Variants in RIMBP2 observed in about 807,000 individuals in gnomAD.
The protein encoded by RIMBP2 is RIMS binding protein 2.
A neutral mutation model predicts 118.6 loss-of-function variants in RIMBP2; 48 were observed. The ratio of observed to expected loss-of-function variants is 0.40; its 90% CI spans 0.32 to 0.51. The LOEUF is 0.51. Among genes scored for constraint, RIMBP2 ranks in the 20% least tolerant of loss-of-function variants. The pLI is 0.41. For missense variants in RIMBP2, 1,551 were observed against 1,768.3 expected (o/e 0.88, Z 2.20); for synonymous variants, 762 against 742.9 (o/e 1.03, Z -0.42).
chr12:130,615,644 C>A (rs1163120910), intron 2 of RIMBP2, among the ~76,000 whole-genome samples: 1 of 152,044 alleles, frequency 6.6e-6, no homozygotes, highest in Non-Finnish European at 1.5e-5. Context: ...AACAAACCCC[C>A]CAAGGCCTAG....
chr12:130,632,593 C>T (rs142237414), intron 1 of RIMBP2, among the ~76,000 whole-genome samples: 87 of 152,260 alleles, frequency 5.7e-4, no homozygotes, highest in African/African-American at 2.0e-3. Context: ...CTCCTGTCCT[C>T]GGCTCGGCCT....
At chr12:130,653,848 G>C (rs1258626919) in intron 1 of RIMBP2, among the ~76,000 whole-genome samples, 1 of 152,208 alleles carries the variant, frequency 6.6e-6, no homozygotes, top group East Asian at 1.9e-4. Context: ...CTACACCCAG[G>C]GTCCTTTGAG....
chr12:130,527,825 C>A (rs770851257), intron 2 of RIMBP2, among the ~76,000 whole-genome samples: 5 of 151,050 alleles, frequency 3.3e-5, no homozygotes, highest in African/African-American at 9.7e-5. Flanking sequence ...ATGTGGCCAA[C>A]AAACATATGC....
At chr12:130,459,513 A>T (rs981674339) in intron 6 of RIMBP2, among the ~76,000 whole-genome samples, 2 of 152,152 alleles carry the variant, frequency 1.3e-5, no homozygotes, top group African/African-American at 4.8e-5. Flanking sequence ...AGAAATGAAG[A>T]GATTTTAAAC....
chr12:130,523,671 A>G lies in RIMBP2; in HGVS notation c.-216-5754T>C, dbSNP rs1210454244. Reference sequence around the variant, plus strand: ...AAACTTGTCAATTTTATTCATTTCAATAATCCCTCCACCACCACCACTGAG... The same window carrying G: ...AAACTTGTCAATTTTATTCATTTCAGTAATCCCTCCACCACCACCACTGAG... On this transcript the variant is annotated intron_variant, in intron 2 of 22. Transcript: ENST00000690449. The surrounding 1 kb of genome is among the most constrained non-coding windows in gnomAD (Gnocchi z 4.4). 1.3e-5 allele frequency among the ~76,000 whole-genome samples: 2 copies of G among 152,204 alleles called. No individual in the cohort carries two copies. The highest frequency in any genetic ancestry group is 2.9e-5 in the Non-Finnish European group (2 of 68,030).
At chr12:130,496,064 G>A (rs890697543) in intron 4 of RIMBP2, among the ~76,000 whole-genome samples, 7 of 152,208 alleles carry the variant, frequency 4.6e-5, no homozygotes, top group African/African-American at 1.7e-4. Flanking sequence ...ACGGCAGAGA[G>A]TACGTCCGTG....
intron 4 of RIMBP2, among the ~76,000 whole-genome samples, chr12:130,479,729 C>G (rs968100091): frequency 2.0e-5 from 3 of 152,084 alleles, no homozygotes; most frequent in African/African-American, 7.2e-5. Context: ...ACTTACCCCT[C>G]TGGGAAAGTC....
At chr12:130,695,622 C>G (rs1235334472) in intron 1 of RIMBP2, among the ~76,000 whole-genome samples, 2 of 152,014 alleles carry the variant, frequency 1.3e-5, no homozygotes, top group African/African-American at 4.8e-5. Flanking sequence ...GCAGGAAAAC[C>G]ACTGGAAGGT....
chr12:130,409,105 A>C (rs2075453269), intron 19 of RIMBP2, among the ~76,000 whole-genome samples: 1 of 152,206 alleles, frequency 6.6e-6, no homozygotes, highest in Admixed American at 6.5e-5. Flanking sequence ...ACATACATGT[A>C]CTTCTCACTG....
intron 6 of RIMBP2, among the ~76,000 whole-genome samples, chr12:130,457,224 G>A (rs1250024029): frequency 6.6e-6 from 1 of 152,220 alleles, no homozygotes; most frequent in East Asian, 1.9e-4. Flanking sequence ...CCCTCGGACT[G>A]TAGAACCCTT....
At chr12:130,486,468 C>T (rs1293412339) in intron 4 of RIMBP2, among the ~76,000 whole-genome samples, 2 of 151,310 alleles carry the variant, frequency 1.3e-5, no homozygotes, top group Non-Finnish European at 2.9e-5. Flanking sequence ...CCGTCCCCCG[C>T]CCCCCCGCCA....
chr12:130,595,202 T>A (rs2059481133), intron 2 of RIMBP2, among the ~76,000 whole-genome samples: 1 of 152,174 alleles, frequency 6.6e-6, no homozygotes, highest in Non-Finnish European at 1.5e-5. Context: ...GATTGAACCA[T>A]CTCTCTCAGC....
intron 7 of RIMBP2, among the ~76,000 whole-genome samples, chr12:130,452,777 G>C (rs1323593853): frequency 6.6e-6 from 1 of 152,202 alleles, no homozygotes; most frequent in African/African-American, 2.4e-5. Flanking sequence ...AGCAGAACTT[G>C]GCCCTTCCTG....
Position 130,511,179 on chromosome 12 carries a change from G to C in RIMBP2, c.-126-4409C>G, listed in dbSNP as rs529445553. On this transcript the variant is annotated intron_variant, in intron 3 of 22. Coordinates refer to ENST00000690449, the MANE Select transcript of RIMBP2 (RefSeq NM_001393629.1). The surrounding 1 kb of genome is among the most constrained non-coding windows in gnomAD (Gnocchi z 4.3). ...TCAGAGACAAAAAAGAGAGAGCTTA[G>C]GTGATGCTCTGCTGCCAGCTTTGAA... 1.3e-5 allele frequency among the ~76,000 whole-genome samples: 2 copies of C among 152,238 alleles called. No homozygotes were observed. Among genetic ancestry groups the C allele is most frequent in the South Asian group, 4.2e-4 (2 of 4,818 alleles).
chr12:130,596,708 T>C (rs10773798), intron 2 of RIMBP2, among the ~76,000 whole-genome samples: 72,436 of 152,046 alleles, frequency 0.48, 18,972 homozygotes, highest in Admixed American at 0.6. Context: ...GACACACATT[T>C]TAAGAGCCCC....
At chr12:130,653,655 T>G (rs997173460) in intron 1 of RIMBP2, among the ~76,000 whole-genome samples, 13 of 152,344 alleles carry the variant, frequency 8.5e-5, no homozygotes, top group Non-Finnish European at 1.9e-4. Flanking sequence ...GGAGCTTTTC[T>G]GTGGGGGCTC....
intron 2 of RIMBP2, among the ~76,000 whole-genome samples, chr12:130,590,909 G>A (rs531359426): frequency 6.6e-6 from 1 of 152,330 alleles, no homozygotes; most frequent in African/African-American, 2.4e-5. Flanking sequence ...GAACTTCCGT[G>A]AGGAAGCGGA....
rs777097560 is a variant in RIMBP2 at position 130,604,582 on chromosome 12, C to CTTTTTTTTTTTTTTTTTTTTTTTTTT, written c.-217+23739_-217+23740insAAAAAAAAAAAAAAAAAAAAAAAAAA. On this transcript the variant is annotated intron_variant, in intron 2 of 22. Transcript: ENST00000690449. Reference sequence around the variant, plus strand: ...AGTGCCCTATACAGATGCCCCTTTTCTTTCTTTTTTTTTTTTTTTGAGACA... The same window carrying CTTTTTTTTTTTTTTTTTTTTTTTTTT: ...AGTGCCCTATACAGATGCCCCTTTTCTTTTTTTTTTTTTTTTTTTTTTTTTTTTTCTTTTTTTTTTTTTTTGAGACA... 3.0e-5 allele frequency among the ~76,000 whole-genome samples: 2 copies of CTTTTTTTTTTTTTTTTTTTTTTTTTT among 67,268 alleles called. 1 individual carries two copies. Among genetic ancestry groups the CTTTTTTTTTTTTTTTTTTTTTTTTTT allele is most frequent in the Non-Finnish European group, 5.4e-5 (2 of 36,722 alleles). 44.1% of individuals were successfully genotyped at this position (67,268 alleles called of 152,430 possible). A position where few individuals can be genotyped will look rare whatever the true frequency, so the allele number is the denominator to read the frequency against.
intron 1 of RIMBP2, among the ~76,000 whole-genome samples, chr12:130,715,761 C>CT (rs61431635): frequency 6.6e-6 from 1 of 151,400 alleles, no homozygotes; most frequent in Admixed American, 6.6e-5. Flanking sequence ...CCCTTCCCCC[C>CT]CTCCACCCCG....
Sources: allele counts gnomAD v4.1 joint callset (sites outside exome capture counted in the v4.1 genomes callset), GRCh38; gene constraint gnomAD v4.1.1; non-coding constraint Gnocchi (gnomAD v3.1); transcripts MANE v1.5; gene names NCBI Gene and HGNC (gene_info 2026-07-23, HGNC 2026-07-21).